ANO6: variants seen among roughly 807,000 people sequenced by gnomAD.
ANO6 encodes the protein anoctamin 6.
A neutral mutation model predicts 117.5 loss-of-function variants in ANO6; 106 were observed. The ratio of observed to expected loss-of-function variants is 0.90; its 90% CI spans 0.77 to 1.06. ANO6 has a LOEUF of 1.06. Ranked by LOEUF, ANO6 falls within the 50% of genes least tolerant of loss-of-function variation. The probability of loss-of-function intolerance (pLI) is 0.00; values close to 1 mark genes in which losing one functional copy is unlikely to be tolerated. For missense variants in ANO6, 955 were observed against 1,121.1 expected (o/e 0.85, Z 2.12); for synonymous variants, 367 against 385.1 (o/e 0.95, Z 0.55).
chr12:45,405,339 T>C (rs535604974), intron 15 of ANO6, among the ~76,000 whole-genome samples: 36 of 152,360 alleles, frequency 2.4e-4, no homozygotes, highest in African/African-American at 7.5e-4. Context: ...AGCTATTTCC[T>C]AAACTGGAAT....
intron 10 of ANO6, among the ~76,000 whole-genome samples, chr12:45,379,781 T>A (rs1942122781): frequency 1.3e-5 from 2 of 152,232 alleles, no homozygotes; most frequent in Admixed American, 1.3e-4. Context: ...AACTACACCA[T>A]GGTTATAGAA....
chr12:45,295,104 T>G (rs530149527), intron 1 of ANO6, among the ~76,000 whole-genome samples: 101 of 152,234 alleles, frequency 6.6e-4, no homozygotes, highest in Non-Finnish European at 8.8e-5. Context: ...AGCGCTCTTA[T>G]GATTCAAGTC....
chr12:45,398,282 AC>A (rs1363300354), intron 12 of ANO6, among the ~76,000 whole-genome samples: 1 of 152,182 alleles, frequency 6.6e-6, no homozygotes, highest in Non-Finnish European at 1.5e-5. Flanking sequence ...ATGACCAATA[AC>A]CATTACAAAA....
At position 45,424,947 on chromosome 12, in the gene ANO6, T is replaced by TAA. The variant is rs35933311; in HGVS notation, c.2526+1894_2526+1895dup. On this transcript the variant is annotated intron_variant, in intron 19 of 19. Transcript: ENST00000320560. ...AGATGGTCAATAACAAGAGGTGATT[T>TAA]AAAAAAAAAACAAAAAAACGTGTGA... Among the ~76,000 whole-genome samples, 420 of 147,656 alleles carry TAA rather than the reference T, an allele frequency of 2.8e-3. 14 individuals carry two copies. In the East Asian group the frequency reaches 0.073, roughly 26 times the overall value.
In ANO6 at chr12:45,216,340, A is replaced by C. The variant is rs1336634270; in HGVS notation, c.19A>C (p.Asn7His). ...GGGAGACATGAAAAAGATGAGCAGG[A>C]ATGTTTTGCTACAAATGGAGGAGGA... MKKMSR[N>H]VLLQMEEEED... The change falls in exon 1 of 20, where the codon AAT (asparagine) becomes CAT (histidine). Residue 7 changes from asparagine (N) to histidine (H), a missense_variant. Physicochemically the swap from Asn to His is moderately conservative, Grantham distance 68. Transcript: ENST00000320560. 1 of 1,612,720 alleles carries C rather than the reference A, an allele frequency of 6.2e-7. No homozygotes were observed. The highest frequency in any genetic ancestry group is 8.5e-7 in the Non-Finnish European group (1 of 1,179,304).
At chr12:45,360,015 A>C (rs1049178308) in intron 8 of ANO6, among the ~76,000 whole-genome samples, 1 of 152,214 alleles carries the variant, frequency 6.6e-6, no homozygotes. Context: ...TCTAATGTCT[A>C]CTGATGGTGA....
intron 9 of ANO6, among the ~76,000 whole-genome samples, chr12:45,372,333 A>G (rs1941866878): frequency 7.3e-6 from 1 of 136,622 alleles, no homozygotes; most frequent in Non-Finnish European, 1.6e-5. Flanking sequence ...AAGGCAGGCC[A>G]ACGTTCAGAT....
intron 1 of ANO6, among the ~76,000 whole-genome samples, chr12:45,273,697 T>A (rs1034531540): frequency 5.9e-5 from 9 of 152,238 alleles, no homozygotes; most frequent in Admixed American, 1.3e-4. Flanking sequence ...TGAGCCTTGG[T>A]CTGCTTCCTA....
At position 45,431,193 on chromosome 12, in the gene ANO6, C is replaced by T; in HGVS notation, c.*1882C>T. 1.0e-6 allele frequency: 1 copy of T among 985,344 alleles called. No individual in the cohort carries two copies. The highest frequency in any genetic ancestry group is 1.2e-6 in the Non-Finnish European group (1 of 829,914). 61.0% of individuals were successfully genotyped at this position (985,344 alleles called of 1,614,324 possible). Reference sequence around the variant, plus strand: ...AGACAGGCCCCATGAAGTCTGACTGCACTGGGATGGAGAAATGAATTTCTT... The same window carrying T: ...AGACAGGCCCCATGAAGTCTGACTGTACTGGGATGGAGAAATGAATTTCTT... On this transcript the variant is annotated 3_prime_UTR_variant, in exon 20 of 20. Transcript: ENST00000320560.
chr12:45,264,124 T>C (rs907361251), intron 1 of ANO6, among the ~76,000 whole-genome samples: 50 of 152,224 alleles, frequency 3.3e-4, no homozygotes, highest in Admixed American at 3.3e-3. Context: ...CTCATATCTC[T>C]TGATTTAGCT....
chr12:45,216,563 C>T (rs1467949451), intron 1 of ANO6, among the ~76,000 whole-genome samples, 172 bp downstream of exon 1: 3 of 152,308 alleles, frequency 2.0e-5, no homozygotes, highest in Admixed American at 6.5e-5. Context: ...ACTGAGGCCC[C>T]GGTGCGGCCC....
At chr12:45,255,084 A>G (rs1937762920) in intron 1 of ANO6, among the ~76,000 whole-genome samples, 1 of 152,252 alleles carries the variant, frequency 6.6e-6, no homozygotes, top group Admixed American at 6.5e-5. Flanking sequence ...CAAACTGAAC[A>G]CAGCTTTATT....
intron 11 of ANO6, among the ~76,000 whole-genome samples, chr12:45,389,003 A>G (rs1469380498): frequency 1.3e-5 from 2 of 152,246 alleles, no homozygotes; most frequent in East Asian, 3.8e-4. Context: ...TCTTTCCATC[A>G]ACACAGAAAA....
At chr12:45,437,801 C>T (rs1456359439) in intron 19 of ANO6, among the ~76,000 whole-genome samples, 1 of 152,078 alleles carries the variant, frequency 6.6e-6, no homozygotes, top group Non-Finnish European at 1.5e-5. Flanking sequence ...AATTTCTGAG[C>T]TCAGACAATC....
Position 45,429,531 on chromosome 12 carries a change from T to C in ANO6, c.*220T>C, listed in dbSNP as rs1943585687. On this transcript the variant is annotated 3_prime_UTR_variant, in exon 20 of 20. Transcript: ENST00000320560. ...CATAAAACTTATCACCCGGAAAACC[T>C]CAATGTTACCTTTTTCTGATAAATT... 7.4e-7 allele frequency: 1 copy of C among 1,353,242 alleles called. No individual in the cohort carries two copies. The allele number at this position is 1,353,242 out of a possible 1,614,324, so 83.8% of individuals were successfully genotyped here.
intron 1 of ANO6, among the ~76,000 whole-genome samples, chr12:45,266,203 G>C (rs186361496): frequency 1.3e-5 from 2 of 152,248 alleles, no homozygotes; most frequent in East Asian, 3.9e-4. Flanking sequence ...GCAAGTTAAA[G>C]ACTATAGGTT....
intron 1 of ANO6, among the ~76,000 whole-genome samples, chr12:45,225,112 C>T (rs1947461467): frequency 6.7e-6 from 1 of 149,998 alleles, no homozygotes; most frequent in African/African-American, 2.5e-5. Context: ...CAATTGAACC[C>T]AGGAAGCCAA....
rs755837031 is a variant in ANO6 at position 45,378,017 on chromosome 12, G to A, written c.1105-36G>A. The A allele has an allele frequency of 3.9e-6, 6 of 1,552,404 alleles. No homozygotes were observed. The Admixed American group carries it at 1.0e-4, about 26-fold the overall frequency. On this transcript the variant is annotated intron_variant, in intron 9 of 19. Transcript: ENST00000320560. ...ATTTACTGAATCCTAATAAGTGGAG[G>A]ATATGACTCATTTATATGTCATTTA...
At chr12:45,289,486 G>T (rs1939027094) in intron 1 of ANO6, among the ~76,000 whole-genome samples, 1 of 152,022 alleles carries the variant, frequency 6.6e-6, no homozygotes, top group Non-Finnish European at 1.5e-5. Flanking sequence ...TAAAGCTTTT[G>T]CTATACTCAC....
Sources: allele counts gnomAD v4.1 joint callset (sites outside exome capture counted in the v4.1 genomes callset), GRCh38; gene constraint gnomAD v4.1.1; transcripts MANE v1.5; gene names NCBI Gene and HGNC (gene_info 2026-07-23, HGNC 2026-07-21).